Variants in RAP1GAP2 observed in about 807,000 individuals in gnomAD.
RAP1GAP2 encodes the protein rap1 GTPase-activating protein 2.
Under a neutral mutation model 95.0 loss-of-function variants are expected in RAP1GAP2, and 27 were observed. The observed-to-expected ratio is 0.28, with a 90% CI of 0.21 to 0.39. The LOEUF is 0.39. Ranked by LOEUF, RAP1GAP2 falls within the 10% of genes least tolerant of loss-of-function variation. The probability of loss-of-function intolerance (pLI) is 1.00; values close to 1 mark genes in which losing one functional copy is unlikely to be tolerated. For missense variants in RAP1GAP2, 771 were observed against 970.0 expected (o/e 0.79, Z 2.72); for synonymous variants, 373 against 380.9 (o/e 0.98, Z 0.24).
chr17:2,826,702 G>A (rs995718259), intron 2 of RAP1GAP2, among the ~76,000 whole-genome samples: 29 of 152,186 alleles, frequency 1.9e-4, no homozygotes, highest in African/African-American at 5.1e-4. Flanking sequence ...TCTAGCCCAC[G>A]TGCAGCATGA....
At chr17:2,997,512 TA>T (rs941141410) in intron 13 of RAP1GAP2, among the ~76,000 whole-genome samples, 3 of 152,210 alleles carry the variant, frequency 2.0e-5, no homozygotes, top group Non-Finnish European at 4.4e-5. Context: ...CCTTGCCTTT[TA>T]AATATTCTTG....
Position 2,989,785 on chromosome 17 carries a change from T to C in RAP1GAP2, c.814-1512T>C, listed in dbSNP as rs148064220. ...TTATGTAATTTATATCTCAATGAAG[T>C]GTGCAGTTCAGTGGTTTGTAGTGTA... On this transcript the variant is annotated intron_variant, in intron 11 of 24. Coordinates refer to ENST00000254695, the MANE Select transcript of RAP1GAP2 (RefSeq NM_015085.5). Among the ~76,000 whole-genome samples, 657 of 152,326 alleles carry C rather than the reference T, an allele frequency of 4.3e-3. 5 individuals carry two copies. Among genetic ancestry groups the C allele is most frequent in the African/African-American group, 0.015 (622 of 41,570 alleles).
chr17:2,957,760 C>T lies in RAP1GAP2; in HGVS notation c.167C>T (p.Ser56Leu), dbSNP rs763671212. ...TGTCCCCCTGCTTTTGTCTTTCAGT[C>T]GTCGGAGTTCTTTGAGATGCTGGAG... is the stretch of plus-strand genomic sequence containing the variant. ...PPLTAPPTMK[S>L]SEFFEMLEKM... The change falls in exon 4 of 25, where the codon TCG becomes TTG. Residue 56 changes from serine (S) to leucine (L), a missense_variant and splice_region_variant. Ser to Leu is a moderately radical substitution (Grantham distance 145). Coordinates refer to ENST00000254695, the MANE Select transcript of RAP1GAP2 (RefSeq NM_015085.5). 1 of 1,607,200 alleles carries T rather than the reference C, an allele frequency of 6.2e-7. No individual in the cohort carries two copies. Among genetic ancestry groups the T allele is most frequent in the Non-Finnish European group, 8.5e-7 (1 of 1,176,552 alleles).
chr17:2,961,231 G>A (rs2044310413), intron 4 of RAP1GAP2, among the ~76,000 whole-genome samples: 1 of 132,256 alleles, frequency 7.6e-6, no homozygotes, highest in South Asian at 2.4e-4. Flanking sequence ...AAAAAAAGAA[G>A]AGGCTGGGTG....
Position 2,873,712 on chromosome 17 carries a change from A to G in RAP1GAP2, c.81-31572A>G, listed in dbSNP as rs2072955390. 2.6e-5 allele frequency among the ~76,000 whole-genome samples: 4 copies of G among 152,200 alleles called. No homozygotes were observed. In the South Asian group the frequency reaches 8.3e-4, roughly 32 times the overall value. On this transcript the variant is annotated intron_variant, in intron 2 of 24. Transcript: ENST00000254695. Reference sequence around the variant, plus strand: ...TTATGGAATTAGTGGTGGTGGTTACATAACATCGTGAATGTACTTAATGCT... The same window carrying G: ...TTATGGAATTAGTGGTGGTGGTTACGTAACATCGTGAATGTACTTAATGCT...
At chr17:2,795,701 C>T (rs944801007), upstream of RAP1GAP2, among the ~76,000 whole-genome samples, 4 of 152,150 alleles carry the variant, frequency 2.6e-5, no homozygotes, top group Admixed American at 2.0e-4. Flanking sequence ...CCTGCGGGCA[C>T]ATGTGTATGC....
intron 2 of RAP1GAP2, among the ~76,000 whole-genome samples, chr17:2,864,779 G>A (rs2151627084): frequency 6.6e-6 from 1 of 152,290 alleles, no homozygotes; most frequent in South Asian, 2.1e-4. Context: ...GCTGCAGAAT[G>A]GCCACTGTGG....
At position 2,870,669 on chromosome 17, in the gene RAP1GAP2, G is replaced by A. The variant is rs1484888935; in HGVS notation, c.81-34615G>A. ...TTTCTCTGTATTGTAACAAAGGCGG[G>A]ATTATACTTTAGGTACAGTACATTA... is the stretch of plus-strand genomic sequence containing the variant. On this transcript the variant is annotated intron_variant, in intron 2 of 24. Transcript: ENST00000254695. This position sits in a 1 kb window ranked among gnomAD's most constrained non-coding sequence, Gnocchi z 4.4. 6.6e-6 allele frequency among the ~76,000 whole-genome samples: 1 copy of A among 152,128 alleles called. No individual in the cohort carries two copies. Among genetic ancestry groups the A allele is most frequent in the African/African-American group, 2.4e-5 (1 of 41,426 alleles).
At chr17:2,982,433 G>A (rs564364777) in intron 10 of RAP1GAP2, among the ~76,000 whole-genome samples, 18 of 152,268 alleles carry the variant, frequency 1.2e-4, no homozygotes, top group South Asian at 2.1e-4. Flanking sequence ...CACCTCGCCC[G>A]GCTGGAACAA....
intron 2 of RAP1GAP2, among the ~76,000 whole-genome samples, chr17:2,888,170 G>A (rs929818096): frequency 1.3e-5 from 2 of 152,166 alleles, no homozygotes; most frequent in East Asian, 3.9e-4. Context: ...TACCTATTTT[G>A]GGGGTACAGT....
chr17:3,031,723 G>T (rs113440473), intron 23 of RAP1GAP2, among the ~76,000 whole-genome samples: 8 of 145,354 alleles, frequency 5.5e-5, no homozygotes, highest in East Asian at 4.8e-4. Flanking sequence ...AGGTGGGAAG[G>T]GCTGGTTCCT....
At chr17:2,950,343 C>T (rs58470778) in intron 3 of RAP1GAP2, among the ~76,000 whole-genome samples, 3 of 152,062 alleles carry the variant, frequency 2.0e-5, no homozygotes, top group East Asian at 1.9e-4. Flanking sequence ...TGAGCCAATG[C>T]GCCCAGCCAG....
chr17:2,789,573 C>T (rs544816699), intron 1 of RAP1GAP2, among the ~76,000 whole-genome samples: 1 of 142,084 alleles, frequency 7.0e-6, no homozygotes, highest in Non-Finnish European at 1.5e-5. Context: ...CCAGCCTGGC[C>T]AACATGGTGA....
intron 1 of RAP1GAP2, among the ~76,000 whole-genome samples, chr17:2,769,988 G>A (rs374883148): frequency 6.7e-6 from 1 of 148,290 alleles, no homozygotes; most frequent in Non-Finnish European, 1.5e-5. Context: ...CAGGAGAATC[G>A]CTTGAACTTG....
rs748933510 is a variant in RAP1GAP2 at position 2,855,232 on chromosome 17, G to A, written c.81-50052G>A. Among the ~76,000 whole-genome samples, 72 of 152,126 alleles carry A rather than the reference G, an allele frequency of 4.7e-4. No homozygotes were observed. Among genetic ancestry groups the A allele is most frequent in the Non-Finnish European group, 7.1e-4 (48 of 68,032 alleles). ...GCCCGCTGCACAGAATGAATTTCCC[G>A]TGAAAATGACATAAGGTGGTTCAGC... is the stretch of plus-strand genomic sequence containing the variant. On this transcript the variant is annotated intron_variant, in intron 2 of 24. Coordinates refer to ENST00000254695, the MANE Select transcript of RAP1GAP2 (RefSeq NM_015085.5). The surrounding 1 kb of genome is among the most constrained non-coding windows in gnomAD (Gnocchi z 4.3).
At chr17:2,909,709 G>A (rs1428445095) in intron 3 of RAP1GAP2, among the ~76,000 whole-genome samples, 1 of 152,172 alleles carries the variant, frequency 6.6e-6, no homozygotes, top group African/African-American at 2.4e-5. Context: ...CCTCCCCCGT[G>A]TTCTGTCCTT....
intron 1 of RAP1GAP2, among the ~76,000 whole-genome samples, chr17:2,785,741 CCT>C (rs1408455511): frequency 1.3e-5 from 2 of 152,162 alleles, no homozygotes; most frequent in African/African-American, 4.8e-5. Flanking sequence ...CGAATAAAAA[CCT>C]CTTCCTTCTT....
At chr17:2,769,557 AAAAAT>A (rs1451380941) in intron 1 of RAP1GAP2, among the ~76,000 whole-genome samples, 1 of 151,794 alleles carries the variant, frequency 6.6e-6, no homozygotes, top group Non-Finnish European at 1.5e-5. Flanking sequence ...TCCATCTCAA[AAAAAT>A]AAAATAAAAT....
chr17:3,002,367 C>T (rs1045920671), intron 14 of RAP1GAP2, among the ~76,000 whole-genome samples: 5 of 152,270 alleles, frequency 3.3e-5, no homozygotes, highest in African/African-American at 7.2e-5. Flanking sequence ...GTACCTTGAT[C>T]GTGCACTCCA....
Sources: allele counts gnomAD v4.1 joint callset (sites outside exome capture counted in the v4.1 genomes callset), GRCh38; gene constraint gnomAD v4.1.1; non-coding constraint Gnocchi (gnomAD v3.1); transcripts MANE v1.5; gene names NCBI Gene and HGNC (gene_info 2026-07-23, HGNC 2026-07-21).